MSI2: variants seen among roughly 807,000 people sequenced by gnomAD.
MSI2 encodes musashi RNA binding protein 2, also known as RNA-binding protein Musashi homolog 2.
Under a neutral mutation model 45.6 loss-of-function variants are expected in MSI2, and 17 were observed. The ratio of observed to expected loss-of-function variants is 0.37; its 90% CI spans 0.26 to 0.56. The LOEUF (loss-of-function observed/expected upper bound fraction) is 0.56. Ranked by LOEUF, MSI2 falls within the 20% of genes least tolerant of loss-of-function variation. The probability of loss-of-function intolerance (pLI) is 0.77; values close to 1 mark genes in which losing one functional copy is unlikely to be tolerated. For missense variants in MSI2, 293 were observed against 444.2 expected (o/e 0.66, Z 3.06); for synonymous variants, 156 against 158.2 (o/e 0.99, Z 0.11).
chr17:57,366,212 G>A (rs1917179364), intron 5 of MSI2, among the ~76,000 whole-genome samples: 1 of 152,172 alleles, frequency 6.6e-6, no homozygotes, highest in Non-Finnish European at 1.5e-5. Context: ...CATGCCCAGC[G>A]TTGGCTATTA....
chr17:57,277,083 TTCTGCTG>T (rs1908932536), intron 5 of MSI2, among the ~76,000 whole-genome samples: 1 of 140,642 alleles, frequency 7.1e-6, no homozygotes, highest in South Asian at 2.2e-4. Context: ...TGAGACAAAA[TTCTGCTG>T]TCTCGCCCAG....
intron 5 of MSI2, among the ~76,000 whole-genome samples, chr17:57,339,568 C>T (rs1027858702): frequency 1.3e-5 from 2 of 152,170 alleles, no homozygotes; most frequent in African/African-American, 4.8e-5. Context: ...GGTTGAGTCC[C>T]GTTTGCCATG....
chr17:57,472,419 CT>C (rs1311181420), intron 6 of MSI2, among the ~76,000 whole-genome samples: 6 of 152,066 alleles, frequency 3.9e-5, no homozygotes, highest in African/African-American at 1.4e-4. Context: ...GGAGTAGTGA[CT>C]GGGGGGTCCC....
chr17:57,419,906 A>G (rs1198958540), intron 6 of MSI2, among the ~76,000 whole-genome samples: 1 of 152,186 alleles, frequency 6.6e-6, no homozygotes, highest in Non-Finnish European at 1.5e-5. Context: ...CCTCTCACTG[A>G]GGACAGTTGT....
chr17:57,443,288 C>G (rs2084834260), intron 6 of MSI2, among the ~76,000 whole-genome samples: 1 of 152,172 alleles, frequency 6.6e-6, no homozygotes, highest in Non-Finnish European at 1.5e-5. Context: ...TCCAACCACC[C>G]CCAAGGTTCA....
intron 6 of MSI2, among the ~76,000 whole-genome samples, chr17:57,503,858 C>T (rs2086169381): frequency 6.6e-6 from 1 of 152,238 alleles, no homozygotes; most frequent in Admixed American, 6.5e-5. Context: ...GATTCTCCTG[C>T]CTCAGCGTCT....
chr17:57,387,319 G>A (rs2083704012), intron 5 of MSI2, among the ~76,000 whole-genome samples: 1 of 152,182 alleles, frequency 6.6e-6, no homozygotes, highest in Non-Finnish European at 1.5e-5. Context: ...TGCTGCGACT[G>A]TTGTTTCCTT....
intron 5 of MSI2, among the ~76,000 whole-genome samples, chr17:57,298,106 C>T (rs1911141688): frequency 6.6e-6 from 1 of 151,598 alleles, no homozygotes; most frequent in South Asian, 2.1e-4. Flanking sequence ...GTGGTGAATG[C>T]TTTCCAGAAG....
At chr17:57,258,154 T>G (rs1598035138) in intron 3 of MSI2, 116 bp from the exon 4 acceptor site, 4 of 753,818 alleles carry the variant, frequency 5.3e-6, no homozygotes, top group Non-Finnish European at 7.0e-6. Context: ...GAGTGGGAGG[T>G]GGGGGTGCGT....
At chr17:57,475,651 A>C (rs2085522859) in intron 6 of MSI2, among the ~76,000 whole-genome samples, 1 of 152,130 alleles carries the variant, frequency 6.6e-6, no homozygotes, top group Non-Finnish European at 1.5e-5. Flanking sequence ...GGTACCAAAA[A>C]TGTCTGCTAG....
chr17:57,413,562 T>C (rs905686644), intron 6 of MSI2, among the ~76,000 whole-genome samples: 16 of 152,040 alleles, frequency 1.1e-4, no homozygotes, highest in African/African-American at 3.9e-4. Flanking sequence ...ATCATTTGGC[T>C]GATGTTTGTT....
intron 5 of MSI2, among the ~76,000 whole-genome samples, chr17:57,350,844 A>G (rs1234753039): frequency 2.0e-5 from 3 of 152,152 alleles, no homozygotes; most frequent in South Asian, 2.1e-4. Context: ...TCTGTAGGAA[A>G]CAGACACCTC....
At chr17:57,574,891 C>T (rs1444362294) in intron 7 of MSI2, among the ~76,000 whole-genome samples, 2 of 144,746 alleles carry the variant, frequency 1.4e-5, no homozygotes, top group South Asian at 2.2e-4. Flanking sequence ...AGTGCAGTGG[C>T]ACGATCTCAG....
At chr17:57,447,671 A>G (rs577190844) in intron 6 of MSI2, among the ~76,000 whole-genome samples, 1 of 151,914 alleles carries the variant, frequency 6.6e-6, no homozygotes, top group Admixed American at 6.6e-5. Context: ...AGATGATCCA[A>G]CCCTCAGAGG....
At position 57,469,705 on chromosome 17, in the gene MSI2, C is replaced by CTCACTGAA. The variant is rs1270146121; in HGVS notation, c.406-59971_406-59970insTCACTGAA. ...GAGACTAGAGCTAAAGTGAGAAGGG[C>CTCACTGAA]AGGAACTGAAAGTTTCTTTCAACTG... On this transcript the variant is annotated intron_variant, in intron 6 of 13. Coordinates refer to ENST00000284073, the MANE Select transcript of MSI2 (RefSeq NM_138962.4). Among the ~76,000 whole-genome samples the CTCACTGAA allele has an allele frequency of 2.0e-5, 3 of 152,344 alleles. No homozygotes were observed. In the East Asian group the frequency reaches 5.8e-4, roughly 29 times the overall value.
chr17:57,566,185 G>A (rs780878905), intron 7 of MSI2, among the ~76,000 whole-genome samples: 5 of 152,096 alleles, frequency 3.3e-5, no homozygotes, highest in African/African-American at 4.8e-5. Flanking sequence ...AGTCCTTGAA[G>A]GATTTGCTCC....
rs978392328 is a variant in MSI2, at chr17:57,257,231, C to T, written c.103+93C>T. Reference sequence around the variant, plus strand: ...CGGTGTAGGAGCCCCCCCCCCCCCGCCATTGGCTCCCCACTTCTCCTGTGC... The same window carrying T: ...CGGTGTAGGAGCCCCCCCCCCCCCGTCATTGGCTCCCCACTTCTCCTGTGC... On this transcript the variant is annotated intron_variant, in intron 2 of 13. Transcript: ENST00000284073. The T allele has an allele frequency of 1.4e-5, 6 of 444,020 alleles. No individual in the cohort carries two copies. The Admixed American group carries it at 2.8e-4, about 21-fold the overall frequency. 27.5% of individuals were successfully genotyped at this position (444,020 alleles called of 1,614,324 possible).
chr17:57,608,449 C>G (rs1341220426), intron 8 of MSI2: 2 of 152,360 alleles, frequency 1.3e-5, no homozygotes, highest in Non-Finnish European at 2.9e-5. Context: ...TCCTGCGTTT[C>G]CCTCCCCGGG....
At chr17:57,699,180 A>AGTGTGT in the MSI2 span, among the ~76,000 whole-genome samples, 7 of 12,400 alleles carry the variant, frequency 5.6e-4, no homozygotes, top group East Asian at 2.4e-3. Flanking sequence ...AGAGAGAGAG[A>AGTGTGT]GAGTGTGTGT....
Sources: gnomAD v4.1 joint callset for allele counts (sites outside exome capture counted in the v4.1 genomes callset) on GRCh38, gnomAD v4.1.1 for gene constraint, MANE v1.5 for transcripts, NCBI Gene and HGNC (gene_info 2026-07-23, HGNC 2026-07-21) for gene names.